CSMD3: variants seen among roughly 807,000 people sequenced by gnomAD.
The protein encoded by CSMD3 is CUB and sushi domain-containing protein 3.
In CSMD3, 177 loss-of-function variants were observed where a neutral mutation model predicts 435.2. The observed-to-expected ratio is 0.41, with a 90% confidence interval of 0.36 to 0.46. CSMD3 has a LOEUF of 0.46. Ranked by LOEUF, CSMD3 falls within the 20% of genes least tolerant of loss-of-function variation. The pLI is 0.34. For synonymous variants in CSMD3, 1,656 were observed against 1,520.5 expected (o/e 1.09, Z -2.07); for missense variants, 4,265 against 4,504.6 (o/e 0.95, Z 1.52).
intron 32 of CSMD3, among the ~76,000 whole-genome samples, chr8:112,451,093 A>T (rs1816213154): frequency 6.6e-6 from 1 of 152,216 alleles, no homozygotes. Context: ...GATGAAAAAT[A>T]TTTGATAGCA....
At chr8:112,522,124 C>T (rs936873942) in intron 27 of CSMD3, among the ~76,000 whole-genome samples, 3 of 151,592 alleles carry the variant, frequency 2.0e-5, no homozygotes, top group African/African-American at 7.3e-5. Context: ...AATACATTTG[C>T]TATGACAAAT....
intron 9 of CSMD3, among the ~76,000 whole-genome samples, chr8:112,927,089 C>T (rs932182689): frequency 2.0e-5 from 3 of 152,022 alleles, no homozygotes; most frequent in African/African-American, 7.2e-5. Context: ...CACAATAATG[C>T]TGATTTAATA....
intron 23 of CSMD3, among the ~76,000 whole-genome samples, chr8:112,583,623 A>G (rs372352561): frequency 6.6e-6 from 1 of 151,960 alleles, no homozygotes; most frequent in East Asian, 1.9e-4. Context: ...TAACCCACTT[A>G]CTATTCCTAT....
At chr8:112,424,827 G>A (rs946106775) in intron 32 of CSMD3, among the ~76,000 whole-genome samples, 3 of 152,064 alleles carry the variant, frequency 2.0e-5, no homozygotes, top group Admixed American at 2.0e-4. Flanking sequence ...GAGTAGCTGG[G>A]ACCACAGGCA....
chr8:112,978,265 C>A (rs1435269868), intron 6 of CSMD3, among the ~76,000 whole-genome samples: 2 of 151,948 alleles, frequency 1.3e-5, no homozygotes, highest in Non-Finnish European at 2.9e-5. Flanking sequence ...GCACGCCTAC[C>A]TTTACCAAAG....
At chr8:112,455,532 C>T (rs1244383943) in intron 32 of CSMD3, among the ~76,000 whole-genome samples, 3 of 151,794 alleles carry the variant, frequency 2.0e-5, no homozygotes, top group Non-Finnish European at 4.4e-5. Flanking sequence ...ACTCATGTAA[C>T]AAATCTGCAC....
At chr8:113,425,131 T>A (rs1472462981) in intron 1 of CSMD3, among the ~76,000 whole-genome samples, 1 of 151,500 alleles carries the variant, frequency 6.6e-6, no homozygotes. Context: ...GTTCTAGAAC[T>A]GATAAGTAAC....
chr8:112,426,781 T>C (rs773612927), intron 32 of CSMD3, among the ~76,000 whole-genome samples: 18 of 152,230 alleles, frequency 1.2e-4, no homozygotes, highest in Non-Finnish European at 2.1e-4. Context: ...ATTCGTGTAT[T>C]CCAGTAACTA....
chr8:112,646,646 C>T (rs1454799493), intron 19 of CSMD3, among the ~76,000 whole-genome samples: 1 of 152,050 alleles, frequency 6.6e-6, no homozygotes, highest in Non-Finnish European at 1.5e-5. Context: ...GAATGGTCAA[C>T]AACTAATATA....
intron 13 of CSMD3, among the ~76,000 whole-genome samples, chr8:112,737,893 A>C: frequency 6.6e-6 from 1 of 152,022 alleles, no homozygotes; most frequent in East Asian, 1.9e-4. Flanking sequence ...ACTCCAGCTT[A>C]CATTTCTACG....
intron 22 of CSMD3, among the ~76,000 whole-genome samples, chr8:112,633,264 C>A (rs2074566594): frequency 6.6e-6 from 1 of 151,598 alleles, no homozygotes; most frequent in Non-Finnish European, 1.5e-5. Flanking sequence ...TCTCTGAAGC[C>A]ATGTATCAAC....
intron 3 of CSMD3, among the ~76,000 whole-genome samples, chr8:113,213,301 G>C (rs1374464679): frequency 6.6e-6 from 1 of 152,000 alleles, no homozygotes; most frequent in Non-Finnish European, 1.5e-5. Flanking sequence ...TCAGAGAGAA[G>C]CCTTTAAATT....
intron 23 of CSMD3, among the ~76,000 whole-genome samples, chr8:112,580,124 G>C (rs913167983): frequency 1.3e-5 from 2 of 151,878 alleles, no homozygotes; most frequent in Non-Finnish European, 2.9e-5. Flanking sequence ...ATTTCTCATT[G>C]GTATTCAATT....
chr8:112,741,794 A>AGATAGATAGAT (rs151301351), intron 13 of CSMD3, among the ~76,000 whole-genome samples: 1 of 149,352 alleles, frequency 6.7e-6, no homozygotes, highest in Admixed American at 6.7e-5. Flanking sequence ...AGATAGAGAG[A>AGATAGATAGAT]AGATAGATAG....
At chr8:112,871,880 T>G (rs2081145611) in intron 10 of CSMD3, among the ~76,000 whole-genome samples, 1 of 152,124 alleles carries the variant, frequency 6.6e-6, no homozygotes, top group African/African-American at 2.4e-5. Context: ...CATAACAATT[T>G]AACCACAAAA....
At position 113,376,545 on chromosome 8, in the gene CSMD3, T is replaced by C. The variant is rs976323927; in HGVS notation, c.178+60132A>G. The stretch of plus-strand genomic sequence containing the variant: ...TGTCTTCTGTCTTTTCTGTATTATT[T>C]ATGCGTTTGTTGTCCAAAATAAACT... On this transcript the variant is annotated intron_variant, in intron 1 of 70. Coordinates refer to ENST00000297405, the MANE Select transcript of CSMD3 (RefSeq NM_198123.2). 6.7e-6 allele frequency: 4 copies of C among 597,146 alleles called. No homozygotes were observed. In the Admixed American group the frequency reaches 8.8e-5, roughly 13 times the overall value. The allele number at this position is 597,146 out of a possible 1,614,324, so 37.0% of individuals were successfully genotyped here. A position where few individuals can be genotyped will look rare whatever the true frequency, so the allele number is the denominator to read the frequency against.
intron 59 of CSMD3, among the ~76,000 whole-genome samples, chr8:112,268,648 C>A (rs1318956190): frequency 1.3e-5 from 2 of 152,118 alleles, no homozygotes; most frequent in Non-Finnish European, 2.9e-5. Flanking sequence ...GACCTATGGA[C>A]TGGTGTTTGA....
chr8:112,232,892 A>G (rs1160257631), intron 68 of CSMD3, among the ~76,000 whole-genome samples: 1 of 152,164 alleles, frequency 6.6e-6, no homozygotes, highest in Admixed American at 6.6e-5. Flanking sequence ...CCCCAAAATG[A>G]GATGATGAGA....
chr8:112,851,499 G>A (rs2129728989), intron 11 of CSMD3, among the ~76,000 whole-genome samples: 1 of 152,262 alleles, frequency 6.6e-6, no homozygotes, highest in African/African-American at 2.4e-5. Flanking sequence ...GGGCGCGGTG[G>A]CTCATGCCTG....
Sources: allele counts gnomAD v4.1 joint callset (sites outside exome capture counted in the v4.1 genomes callset), GRCh38; gene constraint gnomAD v4.1.1; transcripts MANE v1.5; gene names NCBI Gene and HGNC (gene_info 2026-07-23, HGNC 2026-07-21).